Variants in CDC42BPA observed in about 807,000 individuals in gnomAD.
CDC42BPA encodes the protein serine/threonine-protein kinase MRCK alpha.
Under a neutral mutation model 223.5 loss-of-function variants are expected in CDC42BPA, and 80 were observed. That is an observed-to-expected ratio of 0.36 (90% CI 0.30 to 0.43). CDC42BPA has a LOEUF of 0.43. CDC42BPA is among the 20% of genes least tolerant of loss of function. CDC42BPA has a pLI of 1.00. For synonymous variants in CDC42BPA, 694 were observed against 718.6 expected (o/e 0.97, Z 0.55); for missense variants, 1,743 against 2,099.9 (o/e 0.83, Z 3.32).
At chr1:227,090,641 A>T (rs6426562) in intron 16 of CDC42BPA, among the ~76,000 whole-genome samples, 43,080 of 151,688 alleles carry the variant, frequency 0.28, 6,330 homozygotes, top group African/African-American at 0.35. Context: ...TGAAATTCCA[A>T]CTCTACTAAA....
At chr1:227,030,562 T>C in intron 28 of CDC42BPA, 92 bp from the exon 29 acceptor site, 1 of 747,132 alleles carries the variant, frequency 1.3e-6, no homozygotes, top group South Asian at 1.7e-5. Flanking sequence ...GTGCAAAAAA[T>C]GGAAATAAAA....
At chr1:227,194,789 G>C (rs1670393796) in intron 4 of CDC42BPA, among the ~76,000 whole-genome samples, 1 of 152,328 alleles carries the variant, frequency 6.6e-6, no homozygotes, top group Non-Finnish European at 1.5e-5. Flanking sequence ...TTTGTAGTCA[G>C]AGAAACCTGT....
At chr1:227,208,327 T>A (rs1476833179) in intron 3 of CDC42BPA, among the ~76,000 whole-genome samples, 1 of 144,934 alleles carries the variant, frequency 6.9e-6, no homozygotes, top group East Asian at 2.0e-4. Context: ...CTGATGGTAG[T>A]TTCTTTTGCT....
chr1:227,191,481 G>C (rs1252087368), intron 5 of CDC42BPA, among the ~76,000 whole-genome samples: 1 of 152,066 alleles, frequency 6.6e-6, no homozygotes, highest in East Asian at 1.9e-4. Context: ...AGAGCTCAAG[G>C]TTGAAATGGT....
chr1:227,155,032 G>A (rs1430790427), intron 6 of CDC42BPA, among the ~76,000 whole-genome samples: 4 of 152,080 alleles, frequency 2.6e-5, no homozygotes, highest in Admixed American at 6.5e-5. Flanking sequence ...GGTTTTGACC[G>A]AGATATAACA....
chr1:227,169,199 T>C (rs970412100), intron 5 of CDC42BPA, among the ~76,000 whole-genome samples: 1 of 152,178 alleles, frequency 6.6e-6, no homozygotes, highest in Non-Finnish European at 1.5e-5. Context: ...TTACTGAGAA[T>C]AGTTGTTAAC....
At chr1:227,244,498 G>GC (rs1680570180) in intron 2 of CDC42BPA, among the ~76,000 whole-genome samples, 2 of 150,812 alleles carry the variant, frequency 1.3e-5, no homozygotes, top group South Asian at 4.2e-4. Context: ...ACATGGTGGG[G>GC]GGGGGCAATG....
chr1:227,272,953 C>G (rs1007792594), intron 1 of CDC42BPA, among the ~76,000 whole-genome samples: 21 of 152,170 alleles, frequency 1.4e-4, no homozygotes, highest in African/African-American at 5.1e-4. Context: ...TTTACTAACT[C>G]AAACGTATTG....
chr1:227,296,189 G>A (rs1383048763), intron 1 of CDC42BPA, among the ~76,000 whole-genome samples: 1 of 152,144 alleles, frequency 6.6e-6, no homozygotes, highest in Non-Finnish European at 1.5e-5. Context: ...ATAGAACTGA[G>A]AGTCTAGAAA....
Position 227,026,157 on chromosome 1 carries a change from G to T in CDC42BPA, c.4433-5C>A. 6.5e-7 allele frequency: 1 copy of T among 1,529,266 alleles called. No homozygotes were observed. The highest frequency in any genetic ancestry group is 9.0e-7 in the Non-Finnish European group (1 of 1,113,608). The allele number at this position is 1,529,266 out of a possible 1,614,324, so 94.7% of individuals were successfully genotyped here. ...AGAGATATGGTGCATTGTAACCTGG[G>T]AGAAGGGAAGGGGGGGCAGCTTGCG... On this transcript the variant is annotated splice_region_variant and splice_polypyrimidine_tract_variant and intron_variant, in intron 30 of 36. Coordinates refer to ENST00000366766, the MANE Select transcript of CDC42BPA (RefSeq NM_001394014.1).
intron 12 of CDC42BPA, among the ~76,000 whole-genome samples, chr1:227,116,678 A>C (rs1042874705): frequency 6.6e-6 from 1 of 152,236 alleles, no homozygotes; most frequent in Non-Finnish European, 1.5e-5. Context: ...AGACTTTAGG[A>C]ATGCAGAGAA....
intron 2 of CDC42BPA, among the ~76,000 whole-genome samples, chr1:227,241,907 C>G (rs897425565): frequency 6.6e-6 from 1 of 152,056 alleles, no homozygotes; most frequent in Non-Finnish European, 1.5e-5. Flanking sequence ...GAAATAACAC[C>G]AATCTTACAC....
chr1:227,001,941 C>T lies in CDC42BPA; in HGVS notation c.4975+3053G>A, dbSNP rs11578103. Among the ~76,000 whole-genome samples the T allele has an allele frequency of 5.9e-5, 9 of 151,762 alleles. No homozygotes were observed. The East Asian group carries it at 1.5e-3, about 26-fold the overall frequency. The stretch of plus-strand genomic sequence containing the variant: ...AAAAACAAAAAACAAAAAACAAAAA[C>T]GCAAAACCAAAACAAAAAACAAAAC... On this transcript the variant is annotated intron_variant, in intron 35 of 36. Coordinates refer to ENST00000366766, the MANE Select transcript of CDC42BPA (RefSeq NM_001394014.1).
chr1:227,039,209 G>C (rs1401866843), intron 24 of CDC42BPA, among the ~76,000 whole-genome samples: 3 of 152,122 alleles, frequency 2.0e-5, no homozygotes, highest in African/African-American at 7.2e-5. Context: ...TAATGTAAAG[G>C]AGACTAGACT....
intron 17 of CDC42BPA, among the ~76,000 whole-genome samples, chr1:227,077,209 C>T (rs1157749548): frequency 1.3e-5 from 2 of 152,176 alleles, no homozygotes; most frequent in Non-Finnish European, 2.9e-5. Context: ...TGCTTACCAG[C>T]TGTGTAACTT....
At chr1:227,154,731 T>G (rs1662404944) in intron 6 of CDC42BPA, among the ~76,000 whole-genome samples, 1 of 151,786 alleles carries the variant, frequency 6.6e-6, no homozygotes, top group African/African-American at 2.4e-5. Flanking sequence ...CCTGAAACAA[T>G]AAAAAGAAAC....
intron 23 of CDC42BPA, among the ~76,000 whole-genome samples, chr1:227,043,104 A>T (rs967549921): frequency 3.3e-5 from 5 of 152,212 alleles, no homozygotes; most frequent in African/African-American, 1.2e-4. Flanking sequence ...AAAAAATTTT[A>T]AAATGTTTTA....
chr1:227,178,247 G>A (rs926120204), intron 5 of CDC42BPA: 4 of 152,146 alleles, frequency 2.6e-5, no homozygotes, highest in African/African-American at 9.7e-5. Flanking sequence ...TGAATCATGG[G>A]GGCAGTTTTC....
chr1:227,007,074 C>T (rs946279521), intron 34 of CDC42BPA, among the ~76,000 whole-genome samples: 6 of 151,774 alleles, frequency 4.0e-5, no homozygotes, highest in African/African-American at 1.5e-4. Context: ...AATGGAAATG[C>T]AATGAAAAAA....
Sources: gnomAD v4.1 joint callset for allele counts (sites outside exome capture counted in the v4.1 genomes callset) on GRCh38, gnomAD v4.1.1 for gene constraint, MANE v1.5 for transcripts, NCBI Gene and HGNC (gene_info 2026-07-23, HGNC 2026-07-21) for gene names.